Variants in RASGRF2 observed in about 807,000 individuals in gnomAD.
RASGRF2 encodes ras-specific guanine nucleotide-releasing factor 2.
RASGRF2 carries 76 observed loss-of-function variants against 151.0 expected under a neutral mutation model. The ratio of observed to expected loss-of-function variants is 0.50; its 90% CI spans 0.42 to 0.61. The LOEUF is 0.61. Among genes scored for constraint, RASGRF2 ranks in the 20% least tolerant of loss-of-function variants. The pLI is 0.00. For missense variants in RASGRF2, 1,148 were observed against 1,564.6 expected (o/e 0.73, Z 4.49); for synonymous variants, 504 against 566.5 (o/e 0.89, Z 1.57).
At chr5:81,128,644 C>T (rs1005127160) in intron 17 of RASGRF2, among the ~76,000 whole-genome samples, 8 of 152,060 alleles carry the variant, frequency 5.3e-5, no homozygotes, top group African/African-American at 7.2e-5. Flanking sequence ...GGGAGCCGAG[C>T]GGTGCAGCTA....
intron 17 of RASGRF2, among the ~76,000 whole-genome samples, chr5:81,163,627 C>T (rs7703816): frequency 0.18 from 27,160 of 152,018 alleles, 3,080 homozygotes; most frequent in African/African-American, 0.32. Flanking sequence ...AGAGGGTTCT[C>T]GTGAGATCCA....
In RASGRF2 at chr5:81,065,140, C is replaced by T. The variant is rs149585737; in HGVS notation, c.396-2892C>T. Among the ~76,000 whole-genome samples, 1,136 of 152,266 alleles carry T rather than the reference C, an allele frequency of 7.5e-3. 11 individuals are homozygous for T. Among genetic ancestry groups the T allele is most frequent in the Non-Finnish European group, 0.011 (724 of 68,028 alleles). ...TCTTGATTGACACCGTGATCGTAGC[C>T]TCGTGACATCCTGACCTAAAGGTCT... On this transcript the variant is annotated intron_variant, in intron 2 of 26. Transcript: ENST00000265080.
chr5:81,071,171 G>A (rs1199953068), intron 4 of RASGRF2, among the ~76,000 whole-genome samples: 1 of 152,140 alleles, frequency 6.6e-6, no homozygotes, highest in Middle Eastern at 3.2e-3. Context: ...CTATGATCTT[G>A]ATTGTCTTAT....
At chr5:81,055,452 C>T (rs1468504393) in intron 2 of RASGRF2, among the ~76,000 whole-genome samples, 1 of 152,138 alleles carries the variant, frequency 6.6e-6, no homozygotes, top group African/African-American at 2.4e-5. Context: ...GTATGTTGAA[C>T]CAGCCTTGCA....
At chr5:81,022,180 C>T (rs1749852536) in intron 1 of RASGRF2, among the ~76,000 whole-genome samples, 1 of 152,124 alleles carries the variant, frequency 6.6e-6, no homozygotes, top group African/African-American at 2.4e-5. Context: ...TTGAAGTGCA[C>T]CAGTGCACAG....
At chr5:81,146,817 C>T (rs1400294841) in intron 17 of RASGRF2, among the ~76,000 whole-genome samples, 1 of 152,128 alleles carries the variant, frequency 6.6e-6, no homozygotes, top group African/African-American at 2.4e-5. Flanking sequence ...ATTTCAGAAG[C>T]CTCCACCCAA....
chr5:80,993,528 A>G (rs1748721508), intron 1 of RASGRF2, among the ~76,000 whole-genome samples: 1 of 152,192 alleles, frequency 6.6e-6, no homozygotes, highest in Non-Finnish European at 1.5e-5. Flanking sequence ...AGTAGCCAGG[A>G]TCTTGGCAAG....
intron 12 of RASGRF2, among the ~76,000 whole-genome samples, chr5:81,108,755 T>C (rs950907554): frequency 6.6e-6 from 1 of 152,070 alleles, no homozygotes; most frequent in African/African-American, 2.4e-5. Context: ...TGTCCTCAGG[T>C]ATTTGTCAGG....
intron 20 of RASGRF2, 144 bp from the exon 21 acceptor site, chr5:81,207,102 T>C (rs1312332434): frequency 2.4e-6 from 2 of 822,286 alleles, no homozygotes; most frequent in East Asian, 2.6e-5. Flanking sequence ...TTGATACTTT[T>C]AGCTTTCTGC....
At chr5:81,060,565 G>A (rs903313738) in intron 2 of RASGRF2, among the ~76,000 whole-genome samples, 4 of 152,016 alleles carry the variant, frequency 2.6e-5, no homozygotes, top group South Asian at 2.1e-4. Flanking sequence ...TACTGTATAA[G>A]CTTCATAAAG....
At chr5:81,135,990 C>T (rs1753744042) in intron 17 of RASGRF2, among the ~76,000 whole-genome samples, 1 of 152,142 alleles carries the variant, frequency 6.6e-6, no homozygotes, top group Admixed American at 6.6e-5. Flanking sequence ...TTATCCATAT[C>T]CTATAATCAT....
intron 17 of RASGRF2, among the ~76,000 whole-genome samples, chr5:81,152,811 C>A (rs1754168164): frequency 6.6e-6 from 1 of 152,180 alleles, no homozygotes; most frequent in African/African-American, 2.4e-5. Flanking sequence ...GGCATTTTAG[C>A]CTGAGACTGC....
intron 12 of RASGRF2, among the ~76,000 whole-genome samples, chr5:81,105,407 C>T (rs1488326713): frequency 2.0e-5 from 3 of 152,092 alleles, no homozygotes; most frequent in Non-Finnish European, 4.4e-5. Flanking sequence ...CTCCAGCGCC[C>T]GTCCCCACCT....
intron 12 of RASGRF2, among the ~76,000 whole-genome samples, chr5:81,098,590 G>A (rs1027722268): frequency 1.3e-5 from 2 of 152,174 alleles, no homozygotes; most frequent in Non-Finnish European, 2.9e-5. Context: ...TGAAGAAAAC[G>A]TGTCAAGGAG....
rs1044272184 is a variant in RASGRF2, at chr5:81,192,885, A to T, written c.2794-8445A>T. The stretch of plus-strand genomic sequence containing the variant: ...ACAATTTAAATTCTTCATCTTGTGT[A>T]GTCAAGACAGAAAACAGTAGTATGT... On this transcript the variant is annotated intron_variant, in intron 18 of 26. Transcript: ENST00000265080. Among the ~76,000 whole-genome samples the T allele has an allele frequency of 1.3e-5, 2 of 152,226 alleles. 1 individual carries two copies. Among genetic ancestry groups the T allele is most frequent in the Admixed American group, 1.3e-4 (2 of 15,288 alleles).
intron 17 of RASGRF2, among the ~76,000 whole-genome samples, chr5:81,129,452 A>G (rs1384106133): frequency 1.3e-5 from 2 of 152,148 alleles, no homozygotes; most frequent in South Asian, 2.1e-4. Context: ...ATCATTATAT[A>G]TATTTCTCTA....
chr5:81,144,915 C>T (rs766347131), intron 17 of RASGRF2, among the ~76,000 whole-genome samples: 2 of 152,126 alleles, frequency 1.3e-5, no homozygotes, highest in East Asian at 1.9e-4. Context: ...ACTTTATTGC[C>T]TTGGCCCAAT....
intron 1 of RASGRF2, among the ~76,000 whole-genome samples, chr5:81,015,564 G>T (rs1749603973): frequency 6.6e-6 from 1 of 151,288 alleles, no homozygotes; most frequent in Admixed American, 6.6e-5. Context: ...TTTTATTTGT[G>T]GGCATGTGAA....
intron 23 of RASGRF2, among the ~76,000 whole-genome samples, chr5:81,214,654 T>A (rs546917732): frequency 6.6e-6 from 1 of 152,310 alleles, no homozygotes; most frequent in South Asian, 2.1e-4. Context: ...GCTGTGCAGC[T>A]CCTCTCCAGG....
Sources: allele counts gnomAD v4.1 joint callset (sites outside exome capture counted in the v4.1 genomes callset), GRCh38; gene constraint gnomAD v4.1.1; transcripts MANE v1.5; gene names NCBI Gene and HGNC (gene_info 2026-07-23, HGNC 2026-07-21).